The following MGAT4C variants were observed in gnomAD, a reference collection of about 807,000 sequenced individuals.
MGAT4C encodes the protein alpha-1,3-mannosyl-glycoprotein 4-beta-N-acetylglucosaminyltransferase C.
In MGAT4C, 19 loss-of-function variants were observed where a neutral mutation model predicts 40.1. The observed-to-expected ratio is 0.47, with a 90% confidence interval of 0.33 to 0.70. The LOEUF is 0.70. Ranked by LOEUF, MGAT4C falls within the 30% of genes least tolerant of loss-of-function variation. MGAT4C has a pLI of 0.02. For synonymous variants in MGAT4C, 181 were observed against 187.1 expected, an observed-to-expected ratio of 0.97 and a Z score of 0.27; for missense variants, 491 against 563.2, an observed-to-expected ratio of 0.87 and a Z score of 1.30.
intron 2 of MGAT4C, among the ~76,000 whole-genome samples, chr12:86,583,753 AAAATT>A (rs1232408990): frequency 6.6e-6 from 1 of 151,286 alleles, no homozygotes; most frequent in Non-Finnish European, 1.5e-5. Flanking sequence ...GTCAAAAATG[AAAATT>A]AAATTAAAAT....
intron 1 of MGAT4C, among the ~76,000 whole-genome samples, chr12:86,789,399 C>T (rs1033479840): frequency 3.9e-5 from 6 of 152,018 alleles, no homozygotes; most frequent in African/African-American, 1.4e-4. Context: ...ACAAAACTTC[C>T]TGGAAGAGGG....
chr12:86,838,835 G>A (rs532595407), upstream of MGAT4C: 1 of 152,306 alleles, frequency 6.6e-6, no homozygotes, highest in Non-Finnish European at 1.5e-5. Context: ...CAGCTCTCTA[G>A]ATCCCGGGTT....
chr12:86,580,130 C>G (rs2136432653), intron 2 of MGAT4C, among the ~76,000 whole-genome samples: 1 of 151,460 alleles, frequency 6.6e-6, no homozygotes, highest in Admixed American at 6.6e-5. Context: ...TTTACATTTT[C>G]TATTTTTCTG....
intron 1 of MGAT4C, among the ~76,000 whole-genome samples, chr12:86,075,169 A>G (rs1046662398): frequency 1.3e-5 from 2 of 152,202 alleles, no homozygotes; most frequent in Admixed American, 1.3e-4. Context: ...CCTAGATACA[A>G]TGGGGGTACA....
chr12:86,580,841 C>T (rs1193312674), intron 2 of MGAT4C, among the ~76,000 whole-genome samples: 1 of 151,326 alleles, frequency 6.6e-6, no homozygotes. Context: ...CAAACCAGAA[C>T]TCATTTAAGA....
At chr12:86,014,887 T>C (rs1026140219) in intron 2 of MGAT4C, among the ~76,000 whole-genome samples, 2 of 151,950 alleles carry the variant, frequency 1.3e-5, no homozygotes, top group African/African-American at 2.4e-5. Flanking sequence ...GCTCAAATGA[T>C]CCTCCCACTT....
intron 2 of MGAT4C, among the ~76,000 whole-genome samples, chr12:86,573,544 A>G (rs1960448746): frequency 6.6e-6 from 1 of 151,920 alleles, no homozygotes; most frequent in Non-Finnish European, 1.5e-5. Flanking sequence ...ACCCATTTTT[A>G]TTGTACGTGT....
intron 1 of MGAT4C, among the ~76,000 whole-genome samples, chr12:86,114,777 C>G (rs1161282684): frequency 6.6e-6 from 1 of 151,858 alleles, no homozygotes; most frequent in Non-Finnish European, 1.5e-5. Flanking sequence ...TATCTCATTT[C>G]TCTTCCAACC....
chr12:86,401,804 A>G (rs1281814382), intron 3 of MGAT4C, among the ~76,000 whole-genome samples: 4 of 152,144 alleles, frequency 2.6e-5, no homozygotes, highest in Admixed American at 2.6e-4. Context: ...AACTAAAAAA[A>G]CCATTTTGTT....
At chr12:86,149,175 T>C (rs538256480) in intron 1 of MGAT4C, among the ~76,000 whole-genome samples, 1 of 152,290 alleles carries the variant, frequency 6.6e-6, no homozygotes, top group South Asian at 2.1e-4. Context: ...TTAAATTTTT[T>C]CATAAAAATG....
At chr12:86,332,993 C>G (rs1002193026) in intron 4 of MGAT4C, among the ~76,000 whole-genome samples, 1 of 152,148 alleles carries the variant, frequency 6.6e-6, no homozygotes, top group Admixed American at 6.6e-5. Context: ...ATGAAACAAG[C>G]ATACATCATC....
intron 4 of MGAT4C, among the ~76,000 whole-genome samples, chr12:86,271,807 T>C (rs1952957782): frequency 6.6e-6 from 1 of 152,208 alleles, no homozygotes; most frequent in African/African-American, 2.4e-5. Flanking sequence ...GCATGGACTA[T>C]TATTCAGTCA....
chr12:86,678,556 T>A (rs1449708042), intron 2 of MGAT4C, among the ~76,000 whole-genome samples: 3 of 150,750 alleles, frequency 2.0e-5, no homozygotes, highest in Non-Finnish European at 4.4e-5. Context: ...ATTAGGTATA[T>A]CTCCTAAAGC....
intron 2 of MGAT4C, among the ~76,000 whole-genome samples, chr12:86,530,959 A>T (rs1011765410): frequency 1.3e-5 from 2 of 152,224 alleles, no homozygotes; most frequent in African/African-American, 4.8e-5. Context: ...ATACATGAGA[A>T]TCTGTAAATT....
intron 3 of MGAT4C, among the ~76,000 whole-genome samples, chr12:86,427,802 C>T (rs1279670555): frequency 2.0e-5 from 3 of 152,100 alleles, no homozygotes; most frequent in Non-Finnish European, 4.4e-5. Context: ...GGGTGGATCA[C>T]GAGGTCAGGG....
At chr12:85,985,087 G>C (rs11836676) in intron 3 of MGAT4C, among the ~76,000 whole-genome samples, 13,353 of 152,136 alleles carry the variant, frequency 0.088, 1,326 homozygotes, top group African/African-American at 0.25. Context: ...GCCTTATGTG[G>C]ATTTATTTTA....
In MGAT4C at chr12:85,969,428, G is replaced by A. The variant is rs1264711426; in HGVS notation, c.*9861C>T. ...CTGGTGTTATGAAAGACTATTATAT[G>A]ATTAATACAAAGTTATAATTTTTGG... On this transcript the variant is annotated 3_prime_UTR_variant, in exon 5 of 5. Coordinates refer to ENST00000611864, the MANE Select transcript of MGAT4C (RefSeq NM_001351288.2). 1.3e-5 allele frequency: 2 copies of A among 151,580 alleles called. No individual in the cohort carries two copies. The highest frequency in any genetic ancestry group is 1.9e-4 in the East Asian group (1 of 5,188). The allele number at this position is 151,580 out of a possible 1,614,324, so 9.4% of individuals were successfully genotyped here.
chr12:86,775,335 T>C (rs1951731553), intron 1 of MGAT4C, among the ~76,000 whole-genome samples: 1 of 151,754 alleles, frequency 6.6e-6, no homozygotes. Flanking sequence ...AATTCATATA[T>C]ATATATTTAA....
chr12:86,423,553 T>C (rs923737615), intron 3 of MGAT4C, among the ~76,000 whole-genome samples: 1 of 152,114 alleles, frequency 6.6e-6, no homozygotes, highest in Admixed American at 6.6e-5. Context: ...GTATAGCACA[T>C]GTACATGTAT....
Sources: gnomAD v4.1 joint callset for allele counts (sites outside exome capture counted in the v4.1 genomes callset) on GRCh38, gnomAD v4.1.1 for gene constraint, MANE v1.5 for transcripts, NCBI Gene and HGNC (gene_info 2026-07-23, HGNC 2026-07-21) for gene names.